Variants in STAG3 observed in about 807,000 individuals in gnomAD.
The protein encoded by STAG3 is STAG3 cohesin complex component.
STAG3 carries 101 observed loss-of-function variants against 160.7 expected under a neutral mutation model. The ratio of observed to expected loss-of-function variants is 0.63; its 90% CI spans 0.54 to 0.74. The LOEUF is 0.74. Among genes scored for constraint, STAG3 ranks in the 30% least tolerant of loss-of-function variants. STAG3 has a pLI of 0.00. For synonymous variants in STAG3, 519 were observed against 585.0 expected (o/e 0.89, Z 1.63); for missense variants, 1,188 against 1,517.4 (o/e 0.78, Z 3.61).
In STAG3 at chr7:100,214,317, T is replaced by C; in HGVS notation, c.*302T>C. The C allele has an allele frequency of 2.2e-6, 1 of 456,042 alleles. No homozygotes were observed. The highest frequency in any genetic ancestry group is 3.7e-5 in the East Asian group (1 of 26,936). 28.2% of individuals were successfully genotyped at this position (456,042 alleles called of 1,614,324 possible). On this transcript the variant is annotated 3_prime_UTR_variant, in exon 34 of 34. Coordinates refer to ENST00000615138, the MANE Select transcript of STAG3 (RefSeq NM_001282717.2). ...AAATAGCCCATAGTCTCCTGGATTT[T>C]TGGAACATCTTTCTCAGCCTATTTT...
chr7:100,185,287 G>A (rs1260596677), intron 4 of STAG3, among the ~76,000 whole-genome samples: 3 of 152,096 alleles, frequency 2.0e-5, no homozygotes, highest in Non-Finnish European at 4.4e-5. Flanking sequence ...AGCCTGAATC[G>A]CTTTTAATTA....
intron 25 of STAG3, 97 bp downstream of exon 25, chr7:100,202,687 T>C: frequency 2.0e-6 from 3 of 1,481,512 alleles, no homozygotes; most frequent in Non-Finnish European, 2.7e-6. Context: ...GGATATCCAA[T>C]GGTTTCAAGC....
intron 5 of STAG3, among the ~76,000 whole-genome samples, chr7:100,186,692 G>A (rs1800025628): frequency 6.6e-6 from 1 of 152,060 alleles, no homozygotes; most frequent in African/African-American, 2.4e-5. Flanking sequence ...CAAAAAAAAA[G>A]AGAGAAAAGT....
chr7:100,212,721 A>T (rs915411566), intron 32 of STAG3: 1 of 152,036 alleles, frequency 6.6e-6, no homozygotes, highest in Non-Finnish European at 1.5e-5. Context: ...CAGCCTCCCT[A>T]AGTGCTGGGA....
At chr7:100,186,921 C>T (rs574782115) in intron 5 of STAG3, among the ~76,000 whole-genome samples, 22 of 152,152 alleles carry the variant, frequency 1.4e-4, no homozygotes, top group Non-Finnish European at 1.5e-5. Flanking sequence ...CTGTGGTACC[C>T]CCAGAACTCT....
In STAG3 at chr7:100,202,545, G is replaced by A; in HGVS notation, c.2655G>A (p.Val885=). 1 of 1,614,124 alleles carries A rather than the reference G, an allele frequency of 6.2e-7. No individual in the cohort carries two copies. Among genetic ancestry groups the A allele is most frequent in the Non-Finnish European group, 8.5e-7 (1 of 1,180,030 alleles). ...AGFCKLLLYG[V]LEMDAASDVF... ...TCTGCAAGCTGTTGCTTTATGGGGTGCTGGAGATGGATGCAGCCTCAGATG... is the reference window on the plus strand; with the variant it reads ...TCTGCAAGCTGTTGCTTTATGGGGTACTGGAGATGGATGCAGCCTCAGATG... The change falls in exon 25 of 34, where the codon GTG becomes GTA. Residue 885 remains valine, a synonymous_variant. Transcript: ENST00000615138.
At chr7:100,190,174 C>T (rs1401556426) in intron 8 of STAG3, among the ~76,000 whole-genome samples, 2 of 152,124 alleles carry the variant, frequency 1.3e-5, no homozygotes, top group African/African-American at 4.8e-5. Flanking sequence ...ATAGTAGATA[C>T]TTGTTTTGTT....
In STAG3 at chr7:100,200,219, A is replaced by G. The variant is rs2117303865; in HGVS notation, c.1678-17A>G. The G allele has an allele frequency of 1.9e-6, 3 of 1,604,718 alleles. No individual in the cohort carries two copies. The highest frequency in any genetic ancestry group is 2.6e-6 in the Non-Finnish European group (3 of 1,175,576). Reference sequence around the variant, plus strand: ...TTTCTTTACACCTCCCCCACCCCCAAGTGACTCTCATTCCAGGGCTTAACC... The same window carrying G: ...TTTCTTTACACCTCCCCCACCCCCAGGTGACTCTCATTCCAGGGCTTAACC... On this transcript the variant is annotated splice_polypyrimidine_tract_variant and intron_variant, in intron 16 of 33. Transcript: ENST00000615138.
rs374794876 is a variant in STAG3, at chr7:100,204,123, G to T, written c.2802+1G>T. On this transcript the variant is annotated splice_donor_variant, in intron 26 of 33. Coordinates refer to ENST00000615138, the MANE Select transcript of STAG3 (RefSeq NM_001282717.2). LOFTEE classifies it high-confidence loss of function. The stretch of plus-strand genomic sequence containing the variant: ...AATCCTGCTGCTGAGCCTCAAGCAG[G>T]TGCGCCCTTCTGCCTTGAGGACATG... The T allele has an allele frequency of 1.2e-6, 2 of 1,613,590 alleles. No individual in the cohort carries two copies. Among genetic ancestry groups the T allele is most frequent in the African/African-American group, 1.3e-5 (1 of 75,020 alleles).
chr7:100,204,661 A>G lies in STAG3; in HGVS notation c.2837A>G (p.Gln946Arg). 1.9e-6 allele frequency: 3 copies of G among 1,614,164 alleles called. No individual in the cohort carries two copies. In the East Asian group the frequency reaches 6.7e-5, roughly 36 times the overall value. ...GAACTGCTGCAGGAGCATGGGCCCC[A>G]GGGCCTGAATGAGCTTCCTGCCTTC... is the stretch of plus-strand genomic sequence containing the variant. ...YTELLQEHGP[Q>R]GLNELPAFIE... is the part of the protein sequence containing the mutation. Residue 946 changes from glutamine to arginine, a missense_variant, in exon 27 of 34, where the codon CAG (glutamine) becomes CGG (arginine). This residue lies in a region of STAG3 where 647 missense variants were observed against 717.2 expected (regional missense o/e 0.90). Transcript: ENST00000615138.
intron 5 of STAG3, among the ~76,000 whole-genome samples, chr7:100,186,966 C>T (rs1169060062): frequency 6.6e-6 from 1 of 152,106 alleles, no homozygotes; most frequent in African/African-American, 2.4e-5. Context: ...GACAGATGGT[C>T]TCAGTCAGGT....
Position 100,202,499 on chromosome 7 carries a change from G to A in STAG3, c.2609G>A (p.Arg870Gln), listed in dbSNP as rs548943507. Reference protein sequence around the residue: ...DHLQIERLHQRRRLLAGFCKL... With the variant: ...DHLQIERLHQQRRLLAGFCKL... Reference sequence around the variant, plus strand: ...TTACAGATAGAGCGGCTACACCAGCGGCGCCGCCTCCTAGCCGGGTTCTGC... The same window carrying A: ...TTACAGATAGAGCGGCTACACCAGCAGCGCCGCCTCCTAGCCGGGTTCTGC... Residue 870 changes from arginine (R) to glutamine (Q), a missense_variant, in exon 25 of 34, where the codon CGG becomes CAG. Around this residue, in one of 4 missense-constraint regions of STAG3, gnomAD observed 647 missense variants for 717.2 expected, o/e 0.90. Coordinates refer to ENST00000615138, the MANE Select transcript of STAG3 (RefSeq NM_001282717.2). 28 of 1,614,184 alleles carry A rather than the reference G, an allele frequency of 1.7e-5. No homozygotes were observed. The South Asian group carries it at 2.0e-4, about 11-fold the overall frequency.
At chr7:100,195,997 C>T (rs1466051308) in intron 9 of STAG3, among the ~76,000 whole-genome samples, 1 of 152,004 alleles carries the variant, frequency 6.6e-6, no homozygotes, top group East Asian at 1.9e-4. Flanking sequence ...GGTGTGGTGG[C>T]GCATCCCTGT....
intron 32 of STAG3, chr7:100,212,144 A>C (rs1380520270): frequency 2.9e-6 from 1 of 347,872 alleles, no homozygotes; most frequent in Non-Finnish European, 5.3e-6. Context: ...GTTGCCTCCG[A>C]ACCCCCTAGG....
At chr7:100,211,330 T>C (rs1802182680) in intron 30 of STAG3, 105 bp from the exon 31 acceptor site, 4 of 1,488,184 alleles carry the variant, frequency 2.7e-6, no homozygotes, top group African/African-American at 2.8e-5. Flanking sequence ...TTGTTTAGCT[T>C]TAAAATGCAT....
rs1802157414 is a variant in STAG3, at chr7:100,211,134, G to C, written c.3362G>C (p.Gly1121Ala). 1 of 1,607,282 alleles carries C rather than the reference G, an allele frequency of 6.2e-7. No individual in the cohort carries two copies. The highest frequency in any genetic ancestry group is 8.5e-7 in the Non-Finnish European group (1 of 1,177,016). The change falls in exon 30 of 34, where the codon GGG (glycine) becomes GCG (alanine). Residue 1121 changes from glycine to alanine, a missense_variant. This residue lies in a region of STAG3 where 647 missense variants were observed against 717.2 expected (regional missense o/e 0.90). Coordinates refer to ENST00000615138, the MANE Select transcript of STAG3 (RefSeq NM_001282717.2). ...TAVKSRQPLWGLKEMEEEDGS... is the reference protein window; with the variant it reads ...TAVKSRQPLWALKEMEEEDGS... ...GTGAAGAGCAGGCAGCCCCTGTGGG[G>C]GTTGAAAGAGATGGAGGAAGAAGAT...
At position 100,182,097 on chromosome 7, in the gene STAG3, G is replaced by A. The variant is rs1341979988; in HGVS notation, c.124G>A (p.Asp42Asn). The A allele has an allele frequency of 5.0e-6, 8 of 1,613,416 alleles. No individual in the cohort carries two copies. The highest frequency in any genetic ancestry group is 4.4e-5 in the South Asian group (4 of 91,054). Reference sequence around the variant, plus strand: ...AACCATACTTTCTCACAGGAATGGCGACTCTTTGTTAGCTGATGAAGACAC... The same window carrying A: ...AACCATACTTTCTCACAGGAATGGCAACTCTTTGTTAGCTGATGAAGACAC... ...DSNHTSEGNG[D>N]SLLADEDTDF... Residue 42 changes from aspartate (D) to asparagine (N), a missense_variant, in exon 3 of 34, where the codon GAC becomes AAC. Physicochemically the swap from Asp to Asn is conservative, Grantham distance 23. Coordinates refer to ENST00000615138, the MANE Select transcript of STAG3 (RefSeq NM_001282717.2).
chr7:100,202,724 A>G (rs1333932869), intron 25 of STAG3, 134 bp downstream of exon 25: 4 of 1,164,180 alleles, frequency 3.4e-6, no homozygotes, highest in Non-Finnish European at 3.6e-6. Flanking sequence ...AGGGAAAGGC[A>G]CTGGGAGTTC....
At position 100,205,383 on chromosome 7, in the gene STAG3, A is replaced by T; in HGVS notation, c.3237A>T (p.Glu1079Asp). 1 of 1,612,196 alleles carries T rather than the reference A, an allele frequency of 6.2e-7. No individual in the cohort carries two copies. The highest frequency in any genetic ancestry group is 1.1e-5 in the South Asian group (1 of 90,824). ...VLPSSKRRRV[E>D]GPAKPNREDV... is the part of the protein sequence containing the mutation. Reference sequence around the variant, plus strand: ...CCAGCTCCAAGAGGAGGCGCGTTGAAGGTAGGGTGCTGTGTGTGGGTATGG... The same window carrying T: ...CCAGCTCCAAGAGGAGGCGCGTTGATGGTAGGGTGCTGTGTGTGGGTATGG... Residue 1079 changes from glutamate to aspartate, a missense_variant and splice_region_variant, in exon 29 of 34, where the codon GAA becomes GAT. By Grantham distance (45) the Glu-to-Asp change is conservative. Transcript: ENST00000615138.
Sources: allele counts gnomAD v4.1 joint callset (sites outside exome capture counted in the v4.1 genomes callset), GRCh38; gene constraint gnomAD v4.1.1; regional missense constraint gnomAD v4.1.1; transcripts MANE v1.5; gene names NCBI Gene and HGNC (gene_info 2026-07-23, HGNC 2026-07-21).